The following TDRD7 variants were observed in gnomAD, a reference collection of about 807,000 sequenced individuals.
TDRD7 encodes tudor domain containing 7, also known as tudor domain-containing protein 7.
TDRD7 carries 47 observed loss-of-function variants against 109.8 expected under a neutral mutation model. The observed-to-expected ratio is 0.43, with a 90% CI of 0.34 to 0.55. TDRD7 has a LOEUF of 0.55. Among genes scored for constraint, TDRD7 ranks in the 20% least tolerant of loss-of-function variants. The pLI is 0.03. For missense variants in TDRD7, 1,164 were observed against 1,319.2 expected (o/e 0.88, Z 1.82); for synonymous variants, 424 against 457.3 (o/e 0.93, Z 0.93).
rs146032011 is a variant in TDRD7 at position 97,415,384 on chromosome 9, A to G, written c.-7+3146A>G. On this transcript the variant is annotated intron_variant, in intron 1 of 16. Transcript: ENST00000355295. Reference sequence around the variant, plus strand: ...GCCAGGGAGGATCAATCAATGGTAGAAGGCGTTTATCTGGGATACACCAAA... The same window carrying G: ...GCCAGGGAGGATCAATCAATGGTAGGAGGCGTTTATCTGGGATACACCAAA... Among the ~76,000 whole-genome samples, 4 of 152,350 alleles carry G rather than the reference A, an allele frequency of 2.6e-5. No homozygotes were observed. In the East Asian group the frequency reaches 7.7e-4, roughly 29 times the overall value.
intron 6 of TDRD7, among the ~76,000 whole-genome samples, chr9:97,442,881 C>T (rs1041308068): frequency 2.0e-5 from 3 of 152,046 alleles, no homozygotes; most frequent in Admixed American, 1.3e-4. Context: ...CTGCAACCTT[C>T]GCCTCCAGGG....
At chr9:97,462,153 A>G (rs1421063214) in intron 7 of TDRD7, among the ~76,000 whole-genome samples, 2 of 152,180 alleles carry the variant, frequency 1.3e-5, no homozygotes, top group African/African-American at 4.8e-5. Context: ...ACCTTTTACC[A>G]TTTGACTATA....
At chr9:97,489,204 A>G (rs963195934) in intron 16 of TDRD7, among the ~76,000 whole-genome samples, 1 of 152,156 alleles carries the variant, frequency 6.6e-6, no homozygotes, top group South Asian at 2.1e-4. Flanking sequence ...ACTTATTTTT[A>G]TGCCTTCTGG....
chr9:97,483,299 C>A lies in TDRD7; in HGVS notation c.2863C>A (p.Arg955Ser). The A allele has an allele frequency of 6.2e-7, 1 of 1,614,050 alleles. No homozygotes were observed. The highest frequency in any genetic ancestry group is 8.5e-7 in the Non-Finnish European group (1 of 1,179,998). ...MILYYSVSEE[R>S]HIAVEKDQVY... ...TCTATATTACAGCGTGTCTGAAGAG[C>A]GCCACATAGCAGTGGAGAAAGACCA... Residue 955 changes from arginine (R) to serine (S), a missense_variant, in exon 15 of 17, where the codon CGC (arginine) becomes AGC (serine). By Grantham distance (110) the Arg-to-Ser change is moderately radical. This residue lies in a region of TDRD7 where 162 missense variants were observed against 222.5 expected (regional missense o/e 0.73). Coordinates refer to ENST00000355295, the MANE Select transcript of TDRD7 (RefSeq NM_014290.3).
chr9:97,434,835 A>G (rs1564197238), intron 4 of TDRD7, among the ~76,000 whole-genome samples: 1 of 152,202 alleles, frequency 6.6e-6, no homozygotes, highest in Admixed American at 6.5e-5. Flanking sequence ...CACAGTAAAA[A>G]GGAGTAATGA....
At chr9:97,445,939 A>G (rs1438362559) in intron 6 of TDRD7, among the ~76,000 whole-genome samples, 1 of 152,186 alleles carries the variant, frequency 6.6e-6, no homozygotes, top group African/African-American at 2.4e-5. Flanking sequence ...CAGCCTGGGC[A>G]ACATAACAAG....
In TDRD7 at chr9:97,490,034, GCA is replaced by G. The variant is rs139007849; in HGVS notation, c.3076+2716_3076+2717del. ...CAGATACATGCACATGTGCACACGT[GCA>G]CACACACACACACGCATACAGAATC... On this transcript the variant is annotated intron_variant, in intron 16 of 16. Transcript: ENST00000355295. 3.8e-4 allele frequency among the ~76,000 whole-genome samples: 57 copies of G among 150,994 alleles called. 1 individual carries two copies. The East Asian group carries it at 5.4e-3, about 14-fold the overall frequency.
chr9:97,480,808 C>G lies in TDRD7; in HGVS notation c.2302-20C>G, dbSNP rs775985797. ...ATTTTAACATGGTGTGTTCACTTTTCCATCATATTTTCTTTTCAGGCCATT... is the reference window on the plus strand; with the variant it reads ...ATTTTAACATGGTGTGTTCACTTTTGCATCATATTTTCTTTTCAGGCCATT... On this transcript the variant is annotated intron_variant, in intron 13 of 16. Transcript: ENST00000355295. 63 of 1,593,334 alleles carry G rather than the reference C, an allele frequency of 4.0e-5. No homozygotes were observed. The highest frequency in any genetic ancestry group is 5.3e-5 in the Non-Finnish European group (61 of 1,161,318).
chr9:97,429,373 A>C (rs1828062171), intron 2 of TDRD7, among the ~76,000 whole-genome samples: 1 of 152,098 alleles, frequency 6.6e-6, no homozygotes, highest in Non-Finnish European at 1.5e-5. Flanking sequence ...ACAGACCACC[A>C]ACCAAAAGAG....
chr9:97,483,310 A>G lies in TDRD7; in HGVS notation c.2874A>G (p.Ala958=). The G allele has an allele frequency of 1.9e-6, 3 of 1,614,172 alleles. No individual in the cohort carries two copies. The highest frequency in any genetic ancestry group is 1.7e-6 in the Non-Finnish European group (2 of 1,180,026). Residue 958 remains alanine, a synonymous_variant, in exon 15 of 17, where the codon GCA becomes GCG. Transcript: ENST00000355295. ...YYSVSEERHI[A]VEKDQVYAAK... The stretch of plus-strand genomic sequence containing the variant: ...GCGTGTCTGAAGAGCGCCACATAGC[A>G]GTGGAGAAAGACCAAGTGTATGCTG...
chr9:97,487,456 G>T lies in TDRD7; in HGVS notation c.3076+124G>T. On this transcript the variant is annotated intron_variant, in intron 16 of 16. Coordinates refer to ENST00000355295, the MANE Select transcript of TDRD7 (RefSeq NM_014290.3). The stretch of plus-strand genomic sequence containing the variant: ...AGGTATGTTGGGTTTTTGTTTTTTT[G>T]TGCTAATAATATTGCAACCATAATG... 8 of 1,260,458 alleles carry T rather than the reference G, an allele frequency of 6.3e-6. No individual in the cohort carries two copies. In the South Asian group the frequency reaches 8.6e-5, roughly 14 times the overall value. 78.1% of individuals were successfully genotyped at this position (1,260,458 alleles called of 1,614,324 possible).
intron 16 of TDRD7, among the ~76,000 whole-genome samples, chr9:97,492,114 A>G (rs1250644982): frequency 5.9e-5 from 9 of 152,308 alleles, no homozygotes; most frequent in Non-Finnish European, 1.2e-4. Context: ...TTTTGGGGAC[A>G]GTGAATTGCC....
At chr9:97,488,264 G>T (rs1157356133) in intron 16 of TDRD7, among the ~76,000 whole-genome samples, 2 of 152,200 alleles carry the variant, frequency 1.3e-5, no homozygotes, top group Non-Finnish European at 2.9e-5. Context: ...TCACTTTGCT[G>T]CTGCTCACAG....
intron 6 of TDRD7, among the ~76,000 whole-genome samples, chr9:97,448,883 C>T (rs1013150140): frequency 1.3e-5 from 2 of 152,156 alleles, no homozygotes; most frequent in Admixed American, 1.3e-4. Context: ...TGTTATAGAA[C>T]CCTAAAGAAT....
At chr9:97,431,847 A>G (rs1828109348) in intron 3 of TDRD7, among the ~76,000 whole-genome samples, 178 bp from the exon 4 acceptor site, 1 of 152,138 alleles carries the variant, frequency 6.6e-6, no homozygotes, top group African/African-American at 2.4e-5. Flanking sequence ...TTATCTGCCA[A>G]ATACTCACCA....
In TDRD7 at chr9:97,477,213, A is replaced by G. The variant is rs79140834; in HGVS notation, c.2167-1226A>G. Among the ~76,000 whole-genome samples, 378 of 152,356 alleles carry G rather than the reference A, an allele frequency of 2.5e-3. 14 individuals are homozygous for G. In the East Asian group the frequency reaches 0.062, roughly 25 times the overall value. ...TTTACCTTCTCAAATGTTAACATCT[A>G]TATAACCATTGCATAATTATCAAAG... On this transcript the variant is annotated intron_variant, in intron 12 of 16. Transcript: ENST00000355295.
At chr9:97,484,491 C>G (rs886599756) in intron 15 of TDRD7, among the ~76,000 whole-genome samples, 1 of 151,012 alleles carries the variant, frequency 6.6e-6, no homozygotes, top group Non-Finnish European at 1.5e-5. Context: ...CACACACACA[C>G]ACCCCAAAAC....
chr9:97,415,911 C>T (rs1190249482), intron 1 of TDRD7, among the ~76,000 whole-genome samples: 2 of 152,206 alleles, frequency 1.3e-5, no homozygotes, highest in African/African-American at 4.8e-5. Context: ...AAAAAGTCAT[C>T]ATGAGCCACG....
chr9:97,494,931 G>A (rs561783201), intron 16 of TDRD7, among the ~76,000 whole-genome samples: 4 of 152,064 alleles, frequency 2.6e-5, no homozygotes, highest in East Asian at 1.9e-4. Flanking sequence ...GGCTGGTCTC[G>A]AACTCCTGAG....
Sources: allele counts gnomAD v4.1 joint callset (sites outside exome capture counted in the v4.1 genomes callset), GRCh38; gene constraint gnomAD v4.1.1; regional missense constraint gnomAD v4.1.1; transcripts MANE v1.5; gene names NCBI Gene and HGNC (gene_info 2026-07-23, HGNC 2026-07-21).